Variants in HHAT observed in about 807,000 individuals in gnomAD.
HHAT encodes the protein hedgehog acyltransferase.
In HHAT, 47 loss-of-function variants were observed where a neutral mutation model predicts 70.8. The observed-to-expected ratio is 0.66, with a 90% CI of 0.53 to 0.85. The LOEUF is 0.85. Ranked by LOEUF, HHAT falls within the 40% of genes least tolerant of loss-of-function variation. HHAT has a pLI of 0.00. For synonymous variants in HHAT, 228 were observed against 247.6 expected, an observed-to-expected ratio of 0.92 and a Z score of 0.74; for missense variants, 609 against 604.8, an observed-to-expected ratio of 1.01 and a Z score of -0.07.
chr1:210,562,184 C>T (rs1025588627), intron 9 of HHAT, among the ~76,000 whole-genome samples: 1 of 152,020 alleles, frequency 6.6e-6, no homozygotes, highest in African/African-American at 2.4e-5. Context: ...AGAGAGTTGA[C>T]TGCTGTTTCA....
At chr1:210,623,809 C>T (rs1365978256) in intron 11 of HHAT, 139 bp downstream of exon 11, 1 of 925,718 alleles carries the variant, frequency 1.1e-6, no homozygotes, top group Non-Finnish European at 1.6e-6. Context: ...AAGTACCAGC[C>T]AGGAATAATT....
intron 3 of HHAT, among the ~76,000 whole-genome samples, chr1:210,372,737 G>A (rs2089680310): frequency 1.3e-5 from 2 of 151,408 alleles, no homozygotes; most frequent in Non-Finnish European, 2.9e-5. Flanking sequence ...GACCAAGAGA[G>A]TGTTAGACTT....
intron 7 of HHAT, among the ~76,000 whole-genome samples, chr1:210,435,244 G>T (rs1437655579): frequency 6.6e-6 from 1 of 151,710 alleles, no homozygotes; most frequent in Non-Finnish European, 1.5e-5. Flanking sequence ...TTTGTGCTTG[G>T]CTTAGTTCAC....
intron 9 of HHAT, among the ~76,000 whole-genome samples, chr1:210,559,322 G>T (rs1015263634): frequency 1.1e-4 from 17 of 152,186 alleles, no homozygotes; most frequent in African/African-American, 3.9e-4. Context: ...TAAATAAACA[G>T]TTTAATCTCT....
intron 9 of HHAT, among the ~76,000 whole-genome samples, chr1:210,575,752 T>G (rs1657585521): frequency 2.0e-5 from 3 of 152,228 alleles, no homozygotes; most frequent in Non-Finnish European, 4.4e-5. Context: ...ACATGTGTCA[T>G]CAGAACTTTG....
At chr1:210,410,091 C>T (rs531371042) in intron 6 of HHAT, among the ~76,000 whole-genome samples, 80 of 151,346 alleles carry the variant, frequency 5.3e-4, no homozygotes, top group Non-Finnish European at 1.0e-3. Flanking sequence ...CTGGCTCTGT[C>T]GCCCAGGATG....
At chr1:210,540,490 CGCACACACACAT>C (rs2095418326) in intron 9 of HHAT, among the ~76,000 whole-genome samples, 1 of 99,274 alleles carries the variant, frequency 1.0e-5, no homozygotes, top group African/African-American at 2.8e-5. Context: ...TGCACACACA[CGCACACACACAT>C]GCACACACAC....
At position 210,659,918 on chromosome 1, in the gene HHAT, T is replaced by G. The variant is rs188117841; in HGVS notation, c.1391-14370T>G. Among the ~76,000 whole-genome samples the G allele has an allele frequency of 6.1e-4, 93 of 152,300 alleles. No individual in the cohort carries two copies. The Middle Eastern group carries it at 0.01, about 17-fold the overall frequency. On this transcript the variant is annotated intron_variant, in intron 11 of 11. Transcript: ENST00000261458. ...AAAATAGGTATTGATGGAATGTATT[T>G]CAAAATAATAAGAGCTATTTATGAC...
chr1:210,596,020 GT>G (rs930106817), intron 10 of HHAT, among the ~76,000 whole-genome samples: 1 of 152,168 alleles, frequency 6.6e-6, no homozygotes, highest in Non-Finnish European at 1.5e-5. Context: ...TGCTTTTGGT[GT>G]TTTAGACATG....
At chr1:210,597,006 C>G (rs1249604359) in intron 10 of HHAT, among the ~76,000 whole-genome samples, 2 of 152,174 alleles carry the variant, frequency 1.3e-5, no homozygotes, top group Non-Finnish European at 2.9e-5. Flanking sequence ...GCATTGTGAT[C>G]TAAGTTTTCG....
chr1:210,582,360 T>G (rs948259069), intron 9 of HHAT, among the ~76,000 whole-genome samples: 42 of 152,042 alleles, frequency 2.8e-4, no homozygotes, highest in Non-Finnish European at 4.9e-4. Context: ...GGTAAGTGAT[T>G]ACAGGAAACC....
intron 2 of HHAT, among the ~76,000 whole-genome samples, chr1:210,360,021 C>T (rs555466426): frequency 1.2e-4 from 19 of 152,124 alleles, no homozygotes; most frequent in South Asian, 4.2e-4. Flanking sequence ...GGCAGTGGGC[C>T]GAATGAACCC....
chr1:210,584,360 G>A (rs998164077), intron 9 of HHAT, among the ~76,000 whole-genome samples: 1 of 152,112 alleles, frequency 6.6e-6, no homozygotes, highest in African/African-American at 2.4e-5. Context: ...TTAAAGAGAA[G>A]TCGTTCTTCA....
At position 210,546,672 on chromosome 1, in the gene HHAT, C is replaced by A. The variant is rs138328294; in HGVS notation, c.1043+33484C>A. Among the ~76,000 whole-genome samples the A allele has an allele frequency of 4.3e-3, 651 of 152,242 alleles. 4 individuals are homozygous for A. Among genetic ancestry groups the A allele is most frequent in the African/African-American group, 0.015 (631 of 41,548 alleles). ...TTTCATTTTTAAAATGATAACCCAGCACTTGTGTGGAGAGCGTATGGCAGC... is the reference window on the plus strand; with the variant it reads ...TTTCATTTTTAAAATGATAACCCAGAACTTGTGTGGAGAGCGTATGGCAGC... On this transcript the variant is annotated intron_variant, in intron 9 of 11. Coordinates refer to ENST00000261458, the MANE Select transcript of HHAT (RefSeq NM_018194.6).
At chr1:210,611,961 A>G (rs111684802) in intron 10 of HHAT, among the ~76,000 whole-genome samples, 2,841 of 152,188 alleles carry the variant, frequency 0.019, 91 homozygotes, top group African/African-American at 0.065. Flanking sequence ...ATTGACCTGA[A>G]GTGTTCTTTT....
At chr1:210,586,313 G>A (rs1299762035) in intron 9 of HHAT, among the ~76,000 whole-genome samples, 1 of 152,098 alleles carries the variant, frequency 6.6e-6, no homozygotes, top group Non-Finnish European at 1.5e-5. Flanking sequence ...GGTGGTGCAT[G>A]CCTGTAGTCC....
intron 9 of HHAT, among the ~76,000 whole-genome samples, chr1:210,555,353 T>C (rs562531683): frequency 6.6e-6 from 1 of 152,288 alleles, no homozygotes; most frequent in African/African-American, 2.4e-5. Context: ...ACCCCTTCTC[T>C]GCAAGCTGAG....
intron 4 of HHAT, 42 bp from the exon 5 acceptor site, chr1:210,400,426 C>A (rs369401931): frequency 8.9e-5 from 137 of 1,541,996 alleles, no homozygotes; most frequent in Non-Finnish European, 1.2e-4. Flanking sequence ...TCCCTCCCCT[C>A]TTCCTCCCTG....
intron 3 of HHAT, among the ~76,000 whole-genome samples, chr1:210,381,615 T>G (rs1167918823): frequency 6.6e-6 from 1 of 152,192 alleles, no homozygotes; most frequent in Non-Finnish European, 1.5e-5. Flanking sequence ...ATGGCCTTTC[T>G]TAGACTCTGC....
Sources: allele counts gnomAD v4.1 joint callset (sites outside exome capture counted in the v4.1 genomes callset), GRCh38; gene constraint gnomAD v4.1.1; transcripts MANE v1.5; gene names NCBI Gene and HGNC (gene_info 2026-07-23, HGNC 2026-07-21).